The following LIN28B variants were observed in gnomAD, a reference collection of about 807,000 sequenced individuals.
LIN28B encodes lin-28 RNA binding posttranscriptional regulator B.
Under a neutral mutation model 21.9 loss-of-function variants are expected in LIN28B, and 5 were observed. That is an observed-to-expected ratio of 0.23 (90% CI 0.12 to 0.48). The LOEUF is 0.48. LIN28B is among the 20% of genes least tolerant of loss of function. The probability of loss-of-function intolerance (pLI) is 0.98; values close to 1 mark genes in which losing one functional copy is unlikely to be tolerated. For missense variants in LIN28B, 245 were observed against 310.5 expected (o/e 0.79, Z 1.58); for synonymous variants, 109 against 111.3 (o/e 0.98, Z 0.13).
intron 2 of LIN28B, among the ~76,000 whole-genome samples, chr6:104,944,442 T>A (rs1483479491): frequency 6.6e-6 from 1 of 152,162 alleles, no homozygotes; most frequent in African/African-American, 2.4e-5. Flanking sequence ...ATTCTGGCAC[T>A]ATCAAAACCA....
chr6:104,991,291 T>C (rs936841362), intron 2 of LIN28B, among the ~76,000 whole-genome samples: 4 of 146,654 alleles, frequency 2.7e-5, no homozygotes, highest in Non-Finnish European at 4.5e-5. Flanking sequence ...GCCTCACTTC[T>C]CGGACGGGGC....
chr6:104,991,480 C>G (rs991723111), intron 2 of LIN28B, among the ~76,000 whole-genome samples: 1 of 151,792 alleles, frequency 6.6e-6, no homozygotes, highest in African/African-American at 2.4e-5. Flanking sequence ...ACGCTCCTCA[C>G]TTCCTAGACG....
At chr6:105,058,023 A>G (rs1027177622) in intron 3 of LIN28B, 13 of 376,952 alleles carry the variant, frequency 3.4e-5, no homozygotes, top group Admixed American at 7.4e-5. Context: ...TTTGTCTTTT[A>G]TGATTTTTTT....
chr6:105,039,624 A>C (rs1188192806), intron 3 of LIN28B, among the ~76,000 whole-genome samples: 1 of 152,138 alleles, frequency 6.6e-6, no homozygotes, highest in Non-Finnish European at 1.5e-5. Context: ...ACTTACTCTT[A>C]AGAGGCAGAG....
chr6:104,981,685 A>G (rs979687397), intron 2 of LIN28B, among the ~76,000 whole-genome samples: 7 of 152,348 alleles, frequency 4.6e-5, no homozygotes, highest in Non-Finnish European at 8.8e-5. Flanking sequence ...GAGTGTATCT[A>G]TTTCCTAGCT....
chr6:104,944,989 A>G (rs1231839551), intron 2 of LIN28B, among the ~76,000 whole-genome samples: 1 of 152,138 alleles, frequency 6.6e-6, no homozygotes, highest in Non-Finnish European at 1.5e-5. Flanking sequence ...GATATTTTGA[A>G]ATCAGTATTT....
intron 2 of LIN28B, among the ~76,000 whole-genome samples, chr6:104,965,992 G>T (rs1250856675): frequency 4.6e-5 from 7 of 152,228 alleles, no homozygotes; most frequent in Non-Finnish European, 1.0e-4. Flanking sequence ...TGTAAGGGAA[G>T]TAAGTTACCT....
At chr6:105,061,809 C>G (rs927588840) in intron 3 of LIN28B, among the ~76,000 whole-genome samples, 1 of 151,846 alleles carries the variant, frequency 6.6e-6, no homozygotes, top group Non-Finnish European at 1.5e-5. Flanking sequence ...TCCTGGATTC[C>G]CTTTTTTATT....
Position 105,024,110 on chromosome 6 carries a change from T to TC in LIN28B, c.199-2185dup, listed in dbSNP as rs750648633. Among the ~76,000 whole-genome samples the TC allele has an allele frequency of 2.0e-5, 3 of 152,170 alleles. No individual in the cohort carries two copies. In the East Asian group the frequency reaches 5.8e-4, roughly 30 times the overall value. On this transcript the variant is annotated intron_variant, in intron 2 of 3. Coordinates refer to ENST00000345080, the MANE Select transcript of LIN28B (RefSeq NM_001004317.4). Reference sequence around the variant, plus strand: ...TTCAACTGATTCTTCTGCCTCAGCCTCCCAAGTAGCTGGGATTACAGGCGA... The same window carrying TC: ...TTCAACTGATTCTTCTGCCTCAGCCTCCCCAAGTAGCTGGGATTACAGGCGA...
At chr6:105,038,615 G>A (rs542368559) in intron 3 of LIN28B, among the ~76,000 whole-genome samples, 5 of 152,286 alleles carry the variant, frequency 3.3e-5, no homozygotes, top group Admixed American at 3.3e-4. Context: ...ATCCAGAGAA[G>A]GAGATTTCTG....
intron 2 of LIN28B, among the ~76,000 whole-genome samples, chr6:105,000,133 G>A (rs545766985): frequency 6.7e-6 from 1 of 148,304 alleles, no homozygotes; most frequent in East Asian, 2.1e-4. Flanking sequence ...GGGGGAGGGG[G>A]CACATTTGGC....
chr6:104,991,684 C>G (rs1770483477), intron 2 of LIN28B, among the ~76,000 whole-genome samples: 1 of 151,724 alleles, frequency 6.6e-6, no homozygotes, highest in Non-Finnish European at 1.5e-5. Flanking sequence ...GAGGTTGTAG[C>G]GAGCCGAGAT....
chr6:105,014,592 A>G (rs999746097), intron 2 of LIN28B, among the ~76,000 whole-genome samples: 1 of 152,050 alleles, frequency 6.6e-6, no homozygotes, highest in Non-Finnish European at 1.5e-5. Flanking sequence ...TGAATGCTGG[A>G]ATTACAGGCG....
chr6:105,003,356 G>A (rs1460773103), intron 2 of LIN28B, among the ~76,000 whole-genome samples: 1 of 152,160 alleles, frequency 6.6e-6, no homozygotes, highest in East Asian at 1.9e-4. Context: ...TGTATTCAAG[G>A]AGTCATAAGA....
rs140832593 is a variant in LIN28B, at chr6:105,019,846, A to G, written c.199-6452A>G. Among the ~76,000 whole-genome samples, 693 of 152,300 alleles carry G rather than the reference A, an allele frequency of 4.6e-3. 6 individuals carry two copies. The highest frequency in any genetic ancestry group is 0.016 in the African/African-American group (663 of 41,570). ...GTCATTTTGATGGCTTTTAAAGAGT[A>G]ACGTGAAGCACCTCACTTGGTCTGT... On this transcript the variant is annotated intron_variant, in intron 2 of 3. Coordinates refer to ENST00000345080, the MANE Select transcript of LIN28B (RefSeq NM_001004317.4).
At chr6:105,041,927 G>A (rs1049969449) in intron 3 of LIN28B, among the ~76,000 whole-genome samples, 8 of 152,082 alleles carry the variant, frequency 5.3e-5, no homozygotes, top group South Asian at 2.1e-4. Flanking sequence ...GTTGAATCAC[G>A]TAGTTTATAA....
chr6:104,951,403 T>A (rs1378088170), intron 3 of LIN28B, among the ~76,000 whole-genome samples: 1 of 152,184 alleles, frequency 6.6e-6, no homozygotes, highest in Non-Finnish European at 1.5e-5. Context: ...AACTGCTTTT[T>A]TTTTGGAGTG....
At chr6:104,967,831 A>G (rs1044707601) in intron 2 of LIN28B, among the ~76,000 whole-genome samples, 1 of 151,954 alleles carries the variant, frequency 6.6e-6, no homozygotes, top group Non-Finnish European at 1.5e-5. Flanking sequence ...GGCGTGCACC[A>G]CCATGCCTGG....
At chr6:105,062,356 T>C (rs1407576899) in intron 3 of LIN28B, among the ~76,000 whole-genome samples, 1 of 152,222 alleles carries the variant, frequency 6.6e-6, no homozygotes, top group Non-Finnish European at 1.5e-5. Context: ...ACATAACACT[T>C]TCTATCTTAC....
Sources: allele counts gnomAD v4.1 joint callset (sites outside exome capture counted in the v4.1 genomes callset), GRCh38; gene constraint gnomAD v4.1.1; transcripts MANE v1.5; gene names NCBI Gene and HGNC (gene_info 2026-07-23, HGNC 2026-07-21).